Variants in KLHL30 observed in about 807,000 individuals in gnomAD.
KLHL30 encodes the protein kelch-like protein 30.
KLHL30 carries 55 observed loss-of-function variants against 55.0 expected under a neutral mutation model. The ratio of observed to expected loss-of-function variants is 1.00; its 90% CI spans 0.80 to 1.25. The LOEUF is 1.25. KLHL30 is among the 50% of genes most tolerant of loss of function. The pLI, the probability that KLHL30 is intolerant of heterozygous loss-of-function variation, is 0.00. For missense variants in KLHL30, 786 were observed against 811.6 expected, an observed-to-expected ratio of 0.97 and a Z score of 0.38; for synonymous variants, 356 against 372.6, an observed-to-expected ratio of 0.96 and a Z score of 0.51.
intron 4 of KLHL30, 150 bp downstream of exon 4, chr2:238,145,138 G>A (rs1352579540): frequency 2.0e-5 from 14 of 697,888 alleles, no homozygotes; most frequent in Admixed American, 2.0e-4. Context: ...TTTAAAATCC[G>A]TGGTCACTCG....
chr2:238,149,736 C>A (rs531298230), intron 7 of KLHL30, among the ~76,000 whole-genome samples: 8 of 152,256 alleles, frequency 5.3e-5, no homozygotes, highest in Admixed American at 5.2e-4. Context: ...GTGAGAGCCA[C>A]CAGCCTGGGG....
chr2:238,141,609 A>G, intron 2 of KLHL30, 81 bp downstream of exon 2: 1 of 1,383,302 alleles, frequency 7.2e-7, no homozygotes, highest in Admixed American at 3.0e-5. Flanking sequence ...GGGACAGAGT[A>G]AGGAGTGGAC....
rs775355567 is a variant in KLHL30, at chr2:238,148,042, C to G, written c.1339+20C>G. The G allele has an allele frequency of 2.9e-6, 4 of 1,384,628 alleles. No individual in the cohort carries two copies. Among genetic ancestry groups the G allele is most frequent in the Non-Finnish European group, 3.8e-6 (4 of 1,057,818 alleles). The allele number at this position is 1,384,628 out of a possible 1,614,324, so 85.8% of individuals were successfully genotyped here. ...TCACAGGTGGGTGGGGCTCAGGGACCGAGGATAGAGGACCACAGGCCCCTC... is the reference window on the plus strand; with the variant it reads ...TCACAGGTGGGTGGGGCTCAGGGACGGAGGATAGAGGACCACAGGCCCCTC... On this transcript the variant is annotated intron_variant, in intron 6 of 7. Coordinates refer to ENST00000409223, the MANE Select transcript of KLHL30 (RefSeq NM_198582.4).
chr2:238,144,432 A>C (rs10198190), intron 3 of KLHL30, among the ~76,000 whole-genome samples: 16,940 of 78,952 alleles, frequency 0.21, 2,052 homozygotes, highest in African/African-American at 0.36. Context: ...GGAAGGAAGG[A>C]AGGCAGGCAG....
At position 238,151,036 on chromosome 2, in the gene KLHL30, C is replaced by T; in HGVS notation, c.1708C>T (p.Gln570Ter). ...CTTCCTGGATGTCTCCAAGTGGACCCAGCCCTCCGGCCCCACCCAGGAGCA... is the reference window on the plus strand; with the variant it reads ...CTTCCTGGATGTCTCCAAGTGGACCTAGCCCTCCGGCCCCACCCAGGAGCA... ...TVFLDVSKWT[Q>*]PSGPTQEH The change falls in exon 8 of 8, where the codon CAG (glutamine) becomes TAG (stop). Residue 570 changes from glutamine to a stop codon, truncating the protein, a stop_gained. Transcript: ENST00000409223. LOFTEE classifies it high-confidence loss of function. 2 of 1,592,820 alleles carry T rather than the reference C, an allele frequency of 1.3e-6. No homozygotes were observed. Among genetic ancestry groups the T allele is most frequent in the East Asian group, 2.3e-5 (1 of 43,668 alleles).
At position 238,150,816 on chromosome 2, in the gene KLHL30, G is replaced by A. The variant is rs1280921636; in HGVS notation, c.1488G>A (p.Val496=). Residue 496 remains valine (V), a splice_region_variant and synonymous_variant, in exon 8 of 8, where the codon GTG becomes GTA. Coordinates refer to ENST00000409223, the MANE Select transcript of KLHL30 (RefSeq NM_198582.4). ...YDPGANLWQK[V]QSQHSLHENG... is the part of the protein sequence containing the mutation. ...GCTAACCCGCTGACCGTGCACAGGT[G>A]CAGTCACAGCACAGCCTGCATGAGA... The A allele has an allele frequency of 1.3e-6, 2 of 1,581,828 alleles. No individual in the cohort carries two copies. The highest frequency in any genetic ancestry group is 1.7e-6 in the Non-Finnish European group (2 of 1,165,746).
intron 1 of KLHL30, 39 bp from the exon 2 acceptor site, chr2:238,140,646 C>G: frequency 8.4e-7 from 1 of 1,191,984 alleles, no homozygotes; most frequent in Non-Finnish European, 1.2e-6. Context: ...GAGGATGAGA[C>G]CATCCCCACT....
In KLHL30 at chr2:238,149,086, C is replaced by A. The variant is rs1290154231; in HGVS notation, c.1419C>A (p.Leu473=). ...SPRCAALHGE[L]YLIGDNTKKV... ...GCTGTGCTGCACTGCACGGGGAGCTCTACCTCATTGGGGACAACACCAAGA... is the reference window on the plus strand; with the variant it reads ...GCTGTGCTGCACTGCACGGGGAGCTATACCTCATTGGGGACAACACCAAGA... Residue 473 remains leucine, a synonymous_variant, in exon 7 of 8, where the codon CTC becomes CTA. Transcript: ENST00000409223. The A allele has an allele frequency of 6.2e-7, 1 of 1,613,324 alleles. No homozygotes were observed. The highest frequency in any genetic ancestry group is 1.1e-5 in the South Asian group (1 of 91,082).
intron 3 of KLHL30, among the ~76,000 whole-genome samples, 184 bp downstream of exon 3, chr2:238,143,115 G>A (rs1297011240): frequency 3.3e-4 from 50 of 152,346 alleles, no homozygotes; most frequent in East Asian, 5.8e-4. Flanking sequence ...AGGTACCCCG[G>A]GAGGGGGAAG....
intron 6 of KLHL30, among the ~76,000 whole-genome samples, chr2:238,148,316 G>A (rs939609300): frequency 2.6e-5 from 4 of 152,124 alleles, no homozygotes; most frequent in Admixed American, 2.6e-4. Flanking sequence ...GGTGGGGGTG[G>A]GGTGCCAGTG....
Position 238,152,910 on chromosome 2 carries a change from A to G in KLHL30, c.*1845A>G, listed in dbSNP as rs1474752471. 6.6e-6 allele frequency: 1 copy of G among 152,266 alleles called. No homozygotes were observed. The highest frequency in any genetic ancestry group is 1.9e-4 in the East Asian group (1 of 5,206). The allele number at this position is 152,266 out of a possible 1,614,324, so 9.4% of individuals were successfully genotyped here. A position where few individuals can be genotyped will look rare whatever the true frequency, so the allele number is the denominator to read the frequency against. Reference sequence around the variant, plus strand: ...ACCATTTCTGCAAGAATATTTTAAAATAAATAAAAATAAAACTGAAGACAT... The same window carrying G: ...ACCATTTCTGCAAGAATATTTTAAAGTAAATAAAAATAAAACTGAAGACAT... On this transcript the variant is annotated 3_prime_UTR_variant, in exon 8 of 8. Transcript: ENST00000409223.
chr2:238,150,575 G>C (rs1020421188), intron 7 of KLHL30, among the ~76,000 whole-genome samples: 2 of 152,192 alleles, frequency 1.3e-5, no homozygotes, highest in Non-Finnish European at 2.9e-5. Context: ...GGGGTTGGAA[G>C]TGTCATCCCA....
intron 2 of KLHL30, among the ~76,000 whole-genome samples, chr2:238,142,049 T>C (rs1692552758): frequency 6.6e-6 from 1 of 152,096 alleles, no homozygotes; most frequent in Non-Finnish European, 1.5e-5. Context: ...TTTTATGGGG[T>C]GCTACTTCCT....
At chr2:238,150,493 C>T (rs1692733594) in intron 7 of KLHL30, among the ~76,000 whole-genome samples, 1 of 152,198 alleles carries the variant, frequency 6.6e-6, no homozygotes, top group South Asian at 2.1e-4. Flanking sequence ...TCCTGTGAGA[C>T]AGCGAAGCCT....
At position 238,147,985 on chromosome 2, in the gene KLHL30, C is replaced by A; in HGVS notation, c.1302C>A (p.Tyr434Ter). ...TGGTGGGCTCCAGCGCCTGCAAGTA[C>A]AACGCCCTGGCCCTGCAGTGCTACA... ...LYLVGSSACK[Y>*]NALALQCYNP... The change falls in exon 6 of 8, where the codon TAC becomes TAA. Residue 434 changes from tyrosine to a stop codon, truncating the protein, a stop_gained. Transcript: ENST00000409223. LOFTEE classifies it high-confidence loss of function. This position sits in a 1 kb window ranked among gnomAD's most constrained non-coding sequence, Gnocchi z 5.8. 6.5e-7 allele frequency: 1 copy of A among 1,544,950 alleles called. No homozygotes were observed. Among genetic ancestry groups the A allele is most frequent in the East Asian group, 2.5e-5 (1 of 40,600 alleles).
intron 3 of KLHL30, among the ~76,000 whole-genome samples, chr2:238,144,432 A>AAGGAATGAAGGCAGGCAGGC (rs1692608040): frequency 1.2e-5 from 1 of 82,380 alleles, no homozygotes; most frequent in Admixed American, 1.2e-4. Flanking sequence ...GGAAGGAAGG[A>AAGGAATGAAGGCAGGCAGGC]AGGCAGGCAG....
rs752763122 is a variant in KLHL30, at chr2:238,141,109, C to T, written c.355C>T (p.Gln119Ter). ...TAARLHFPSV[Q>*]KVCGRYLQQQ... ...TGCGCGCCTGCACTTCCCCTCGGTGCAGAAGGTCTGCGGCCGCTACCTGCA... is the reference window on the plus strand; with the variant it reads ...TGCGCGCCTGCACTTCCCCTCGGTGTAGAAGGTCTGCGGCCGCTACCTGCA... Residue 119 changes from glutamine to a stop codon, truncating the protein, a stop_gained, in exon 2 of 8, where the codon CAG becomes TAG. Coordinates refer to ENST00000409223, the MANE Select transcript of KLHL30 (RefSeq NM_198582.4). LOFTEE classifies it high-confidence loss of function. The T allele has an allele frequency of 5.6e-6, 9 of 1,610,232 alleles. No homozygotes were observed. The South Asian group carries it at 9.9e-5, about 18-fold the overall frequency.
intron 2 of KLHL30, among the ~76,000 whole-genome samples, chr2:238,142,091 G>T (rs1026299612): frequency 1.3e-5 from 2 of 152,344 alleles, no homozygotes; most frequent in Admixed American, 1.3e-4. Flanking sequence ...GGCAGGCATG[G>T]CAGGTCATGA....
intron 5 of KLHL30, 98 bp downstream of exon 5, chr2:238,145,930 C>T (rs991530419): frequency 5.3e-6 from 7 of 1,326,328 alleles, no homozygotes; most frequent in African/African-American, 3.0e-5. Context: ...TCGGAGACCA[C>T]GGAGATGCCG....
Sources: allele counts gnomAD v4.1 joint callset (sites outside exome capture counted in the v4.1 genomes callset), GRCh38; gene constraint gnomAD v4.1.1; non-coding constraint Gnocchi (gnomAD v3.1); transcripts MANE v1.5; gene names NCBI Gene and HGNC (gene_info 2026-07-23, HGNC 2026-07-21).